The following CLVS1 variants were observed in gnomAD, a reference collection of about 807,000 sequenced individuals.
CLVS1 encodes the protein clavesin 1, also known as clavesin-1.
CLVS1 carries 10 observed loss-of-function variants against 33.1 expected under a neutral mutation model. The observed-to-expected ratio is 0.30, with a 90% CI of 0.19 to 0.51. The LOEUF (loss-of-function observed/expected upper bound fraction) is 0.51. Ranked by LOEUF, CLVS1 falls within the 20% of genes least tolerant of loss-of-function variation. The pLI, the probability that CLVS1 is intolerant of heterozygous loss-of-function variation, is 0.97. For synonymous variants in CLVS1, 163 were observed against 166.1 expected (o/e 0.98, Z 0.14); for missense variants, 343 against 433.4 (o/e 0.79, Z 1.85).
At chr8:61,234,099 G>T (rs1808502428) in intron 2 of CLVS1, among the ~76,000 whole-genome samples, 1 of 152,150 alleles carries the variant, frequency 6.6e-6, no homozygotes, top group South Asian at 2.1e-4. Context: ...AGTGGCAAGG[G>T]TAGGAGGGTA....
chr8:61,250,361 A>G (rs981465037), intron 2 of CLVS1, among the ~76,000 whole-genome samples: 3 of 152,170 alleles, frequency 2.0e-5, no homozygotes, highest in Non-Finnish European at 4.4e-5. Flanking sequence ...TGATGCCTTC[A>G]GCTTTGTTCT....
Position 61,421,532 on chromosome 8 carries a change from C to T in CLVS1, c.631-32609C>T, listed in dbSNP as rs141156757. On this transcript the variant is annotated intron_variant, in intron 3 of 5. Coordinates refer to ENST00000325897, the MANE Select transcript of CLVS1 (RefSeq NM_173519.3). ...TCCTGAGCTGAACTCAGGTTGTTTC[C>T]AATCTAAGCTAACTACAATGCCCTA... Among the ~76,000 whole-genome samples the T allele has an allele frequency of 4.5e-3, 689 of 152,226 alleles. 6 individuals carry two copies. The highest frequency in any genetic ancestry group is 0.016 in the African/African-American group (666 of 41,548).
intron 3 of CLVS1, among the ~76,000 whole-genome samples, chr8:61,422,165 A>G (rs1815703757): frequency 1.3e-5 from 2 of 151,966 alleles, no homozygotes; most frequent in Admixed American, 6.6e-5. Flanking sequence ...GATTACATTC[A>G]ACTTTCTAAT....
chr8:61,284,946 A>G (rs1290712598), upstream of CLVS1, among the ~76,000 whole-genome samples: 4 of 152,202 alleles, frequency 2.6e-5, no homozygotes, highest in Non-Finnish European at 2.9e-5. Flanking sequence ...GAAAAAGCAA[A>G]TAAATATAGC....
At chr8:61,490,651 C>T (rs1374011795) in intron 5 of CLVS1, among the ~76,000 whole-genome samples, 6 of 104,638 alleles carry the variant, frequency 5.7e-5, no homozygotes, top group African/African-American at 1.5e-4. Flanking sequence ...GAGCGAGATC[C>T]GTCTCAAAAA....
intron 2 of CLVS1, among the ~76,000 whole-genome samples, chr8:61,362,522 A>T (rs1047234014): frequency 3.9e-5 from 6 of 152,092 alleles, no homozygotes; most frequent in African/African-American, 1.4e-4. Context: ...TACCATTTGG[A>T]TGGTATATTA....
intron 2 of CLVS1, among the ~76,000 whole-genome samples, chr8:61,203,878 T>A (rs1301568331): frequency 1.3e-5 from 2 of 152,232 alleles, no homozygotes; most frequent in African/African-American, 4.8e-5. Flanking sequence ...GTAAATGCAA[T>A]GTGAATGATC....
intron 2 of CLVS1, among the ~76,000 whole-genome samples, chr8:61,207,741 T>C (rs762462988): frequency 1.1e-4 from 16 of 152,254 alleles, no homozygotes; most frequent in African/African-American, 1.9e-4. Context: ...ATAATGTAGT[T>C]GGTTGGTAAT....
chr8:61,027,570 C>G, the CLVS1 span, among the ~76,000 whole-genome samples: 17 of 152,206 alleles, frequency 1.1e-4, no homozygotes, highest in African/African-American at 4.1e-4. Context: ...TTAAAAATAA[C>G]TCTCTTTTGC....
chr8:61,465,045 A>G (rs1994851), intron 5 of CLVS1: 133,398 of 152,222 alleles, frequency 0.88, 58,616 homozygotes, highest in Middle Eastern at 0.92. Flanking sequence ...CAGAACATCA[A>G]CCAGCCTCCG....
rs1191079190 is a variant in CLVS1 at position 61,169,617 on chromosome 8, G to T, written c.-152+37757G>T. Reference sequence around the variant, plus strand: ...CACTCTTTCTTACCACTGCCCCGAAGAACTCAGAAATATTTTGTCCCAGGC... The same window carrying T: ...CACTCTTTCTTACCACTGCCCCGAATAACTCAGAAATATTTTGTCCCAGGC... On this transcript the variant is annotated intron_variant, in intron 2 of 2. Transcript: ENST00000522621. Among the ~76,000 whole-genome samples, 3 of 152,158 alleles carry T rather than the reference G, an allele frequency of 2.0e-5. No individual in the cohort carries two copies. In the South Asian group the frequency reaches 6.2e-4, roughly 32 times the overall value.
At chr8:61,083,139 AGAAAG>A (rs1805055258) in intron 1 of CLVS1, among the ~76,000 whole-genome samples, 1 of 152,228 alleles carries the variant, frequency 6.6e-6, no homozygotes, top group Admixed American at 6.5e-5. Context: ...ATCTATGTAA[AGAAAG>A]GAAGATCATT....
At chr8:61,253,441 G>A (rs1808996795) in intron 2 of CLVS1, among the ~76,000 whole-genome samples, 3 of 152,124 alleles carry the variant, frequency 2.0e-5, no homozygotes, top group Admixed American at 6.5e-5. Flanking sequence ...GGCATTCTCT[G>A]TATTTCCTGA....
chr8:61,083,134 T>C (rs1218357634), intron 1 of CLVS1, among the ~76,000 whole-genome samples: 2 of 152,064 alleles, frequency 1.3e-5, no homozygotes, highest in Non-Finnish European at 2.9e-5. Context: ...ACAGAATCTA[T>C]GTAAAGAAAG....
chr8:61,192,904 A>G (rs905042927), intron 2 of CLVS1, among the ~76,000 whole-genome samples: 6 of 152,076 alleles, frequency 3.9e-5, no homozygotes, highest in African/African-American at 1.5e-4. Context: ...AAATAGGAAC[A>G]CTTTTACACT....
At chr8:60,969,407 A>T in the CLVS1 span, among the ~76,000 whole-genome samples, 1 of 152,154 alleles carries the variant, frequency 6.6e-6, no homozygotes, top group Non-Finnish European at 1.5e-5. Flanking sequence ...TGCCTAGCAT[A>T]GCCTTAGGTT....
At chr8:61,037,507 C>T in the CLVS1 span, among the ~76,000 whole-genome samples, 1,268 of 152,254 alleles carry the variant, frequency 8.3e-3, 23 homozygotes, top group East Asian at 0.045. Flanking sequence ...TATTTATGTG[C>T]CACATTTTAA....
At chr8:61,132,725 G>A (rs184253388) in intron 2 of CLVS1, among the ~76,000 whole-genome samples, 13 of 152,296 alleles carry the variant, frequency 8.5e-5, no homozygotes, top group Non-Finnish European at 1.6e-4. Context: ...AAAGCGGGAT[G>A]CAGGGCCCAG....
chr8:61,000,988 A>G, the CLVS1 span, among the ~76,000 whole-genome samples: 1 of 152,058 alleles, frequency 6.6e-6, no homozygotes, highest in Admixed American at 6.5e-5. Context: ...CTTTCAATGG[A>G]CTTTCTTGTC....
Sources: allele counts gnomAD v4.1 joint callset (sites outside exome capture counted in the v4.1 genomes callset), GRCh38; gene constraint gnomAD v4.1.1; transcripts MANE v1.5; gene names NCBI Gene and HGNC (gene_info 2026-07-23, HGNC 2026-07-21).